The following LRRC69 variants were observed in gnomAD, a reference collection of about 807,000 sequenced individuals.
LRRC69 encodes the protein leucine-rich repeat-containing protein 69.
In LRRC69, 42 loss-of-function variants were observed where a neutral mutation model predicts 37.8. That is an observed-to-expected ratio of 1.11 (90% CI 0.87 to 1.44). The LOEUF (loss-of-function observed/expected upper bound fraction) is 1.44. Ranked by LOEUF, LRRC69 falls within the 40% of genes most tolerant of loss-of-function variation. LRRC69 has a pLI of 0.00. For synonymous variants in LRRC69, 141 were observed against 143.1 expected (o/e 0.99, Z 0.11); for missense variants, 357 against 401.9 (o/e 0.89, Z 0.96).
intron 5 of LRRC69, among the ~76,000 whole-genome samples, chr8:91,148,649 A>C (rs1808668813): frequency 6.6e-6 from 1 of 152,014 alleles, no homozygotes. Context: ...ATCCCTGACG[A>C]ATCACCACAC....
At chr8:91,204,676 G>A (rs1046512922) in intron 7 of LRRC69, among the ~76,000 whole-genome samples, 1 of 152,220 alleles carries the variant, frequency 6.6e-6, no homozygotes, top group African/African-American at 2.4e-5. Flanking sequence ...AGGGACAATC[G>A]ATGAGTGCAT....
intron 5 of LRRC69, among the ~76,000 whole-genome samples, chr8:91,144,750 A>T (rs551449669): frequency 1.3e-5 from 2 of 152,092 alleles, no homozygotes; most frequent in East Asian, 3.9e-4. Flanking sequence ...CACATGCCTG[A>T]TATCTAGCAT....
At chr8:91,208,086 G>A (rs190698451) in intron 7 of LRRC69, among the ~76,000 whole-genome samples, 1 of 152,260 alleles carries the variant, frequency 6.6e-6, no homozygotes, top group East Asian at 1.9e-4. Flanking sequence ...TTGGATTAGA[G>A]CTCACTTTAT....
chr8:91,187,565 C>T (rs757983083), intron 5 of LRRC69, among the ~76,000 whole-genome samples: 1 of 152,204 alleles, frequency 6.6e-6, no homozygotes, highest in Non-Finnish European at 1.5e-5. Context: ...ATGTAGATTA[C>T]AGTGGTTCCC....
chr8:91,146,475 T>C lies in LRRC69; in HGVS notation c.651+10736T>C, dbSNP rs950825275. On this transcript the variant is annotated intron_variant, in intron 5 of 7. Transcript: ENST00000448384. ...TAAAAATATTATAAAGAGAGTCTGA[T>C]TGAAATCAAATGTGGCTCTTGTACA... Among the ~76,000 whole-genome samples the C allele has an allele frequency of 2.6e-4, 40 of 151,892 alleles. 1 individual carries two copies. The highest frequency in any genetic ancestry group is 7.9e-4 in the Admixed American group (12 of 15,198).
intron 5 of LRRC69, among the ~76,000 whole-genome samples, chr8:91,149,937 A>G (rs1185275188): frequency 2.0e-5 from 3 of 152,006 alleles, no homozygotes; most frequent in Non-Finnish European, 4.4e-5. Flanking sequence ...TTGATTTTGT[A>G]TCCTGAGACT....
intron 5 of LRRC69, among the ~76,000 whole-genome samples, chr8:91,142,629 G>T (rs1240628903): frequency 1.3e-5 from 2 of 151,972 alleles, no homozygotes; most frequent in African/African-American, 4.8e-5. Context: ...GAGTCAGTAG[G>T]CTGGGGATCC....
At chr8:91,157,174 G>A (rs1808850443) in intron 5 of LRRC69, 1 of 768,720 alleles carries the variant, frequency 1.3e-6, no homozygotes, top group Non-Finnish European at 2.3e-6. Context: ...TATTTTGATA[G>A]GGATTGCTTC....
chr8:91,209,164 T>C (rs1165494434), intron 7 of LRRC69, among the ~76,000 whole-genome samples: 2 of 152,142 alleles, frequency 1.3e-5, no homozygotes, highest in East Asian at 1.9e-4. Context: ...TGGTGGCTCA[T>C]GCCTGTAATC....
chr8:91,199,061 C>A (rs185240112), intron 6 of LRRC69, among the ~76,000 whole-genome samples: 2 of 152,230 alleles, frequency 1.3e-5, no homozygotes, highest in Admixed American at 1.3e-4. Flanking sequence ...ATTTTTAGGT[C>A]CCTGGTATTT....
chr8:91,111,595 T>C (rs1813410980), intron 1 of LRRC69, among the ~76,000 whole-genome samples: 1 of 151,960 alleles, frequency 6.6e-6, no homozygotes, highest in South Asian at 2.1e-4. Flanking sequence ...TGGATGGAGC[T>C]GAAGGCCATT....
chr8:91,142,934 C>T (rs1808555128), intron 5 of LRRC69, among the ~76,000 whole-genome samples: 1 of 151,964 alleles, frequency 6.6e-6, no homozygotes, highest in Non-Finnish European at 1.5e-5. Flanking sequence ...AAGGAACATT[C>T]TTTGGACAAT....
At chr8:91,124,790 T>G (rs1813690813) in intron 2 of LRRC69, 171 bp downstream of exon 2, 2 of 554,100 alleles carry the variant, frequency 3.6e-6, no homozygotes, top group Admixed American at 7.9e-5. Flanking sequence ...AAAAGTATTG[T>G]ATCATATGTT....
chr8:91,192,544 G>C lies in LRRC69; in HGVS notation c.753+2921G>C, dbSNP rs949463107. 1.2e-4 allele frequency among the ~76,000 whole-genome samples: 18 copies of C among 151,310 alleles called. 1 individual carries two copies. The highest frequency in any genetic ancestry group is 5.8e-4 in the East Asian group (3 of 5,144). On this transcript the variant is annotated intron_variant, in intron 6 of 7. Transcript: ENST00000448384. Reference sequence around the variant, plus strand: ...CTTTTTAATGATTGCCATTCTAACTGGTGTGAGATGGTATCTCATTGTGGT... The same window carrying C: ...CTTTTTAATGATTGCCATTCTAACTCGTGTGAGATGGTATCTCATTGTGGT...
At chr8:91,188,947 C>T (rs1809447304) in intron 5 of LRRC69, among the ~76,000 whole-genome samples, 1 of 151,954 alleles carries the variant, frequency 6.6e-6, no homozygotes, top group Admixed American at 6.6e-5. Flanking sequence ...GCCTCAGCCT[C>T]CCGAGTAGCT....
intron 5 of LRRC69, among the ~76,000 whole-genome samples, chr8:91,183,666 G>T (rs1057221536): frequency 1.3e-5 from 2 of 152,268 alleles, no homozygotes; most frequent in African/African-American, 4.8e-5. Context: ...GGGCTCTGGG[G>T]AGCACTATTT....
chr8:91,168,208 A>G (rs1404979408), intron 5 of LRRC69, among the ~76,000 whole-genome samples: 1 of 151,950 alleles, frequency 6.6e-6, no homozygotes, highest in Non-Finnish European at 1.5e-5. Context: ...CTCAGTGCTT[A>G]CGACATTGTA....
chr8:91,187,232 T>C (rs1809421428), intron 5 of LRRC69, among the ~76,000 whole-genome samples: 1 of 152,186 alleles, frequency 6.6e-6, no homozygotes, highest in South Asian at 2.1e-4. Flanking sequence ...GTTCAAGCTA[T>C]CTTATTGCTT....
intron 5 of LRRC69, among the ~76,000 whole-genome samples, chr8:91,149,639 G>C (rs1452276264): frequency 6.6e-6 from 1 of 152,002 alleles, no homozygotes; most frequent in Non-Finnish European, 1.5e-5. Flanking sequence ...TTGTTAGCTT[G>C]ATGGGGATGG....
Sources: gnomAD v4.1 joint callset for allele counts (sites outside exome capture counted in the v4.1 genomes callset) on GRCh38, gnomAD v4.1.1 for gene constraint, MANE v1.5 for transcripts, NCBI Gene and HGNC (gene_info 2026-07-23, HGNC 2026-07-21) for gene names.